The following ZNF536 variants were observed in gnomAD, a reference collection of about 807,000 sequenced individuals.
ZNF536 encodes zinc finger protein 536.
A neutral mutation model predicts 84.5 loss-of-function variants in ZNF536; 13 were observed. The observed-to-expected ratio is 0.15, with a 90% confidence interval of 0.10 to 0.24. The LOEUF is 0.24. Ranked by LOEUF, ZNF536 falls within the 10% of genes least tolerant of loss-of-function variation. ZNF536 has a pLI of 1.00. For missense variants in ZNF536, 1,536 were observed against 1,747.5 expected, an observed-to-expected ratio of 0.88 and a Z score of 2.16; for synonymous variants, 811 against 742.5, an observed-to-expected ratio of 1.09 and a Z score of -1.50.
chr19:30,447,417 C>T (rs984657827), intron 2 of ZNF536, among the ~76,000 whole-genome samples: 1 of 152,210 alleles, frequency 6.6e-6, no homozygotes, highest in Non-Finnish European at 1.5e-5. Flanking sequence ...ATCTGGTCTG[C>T]ACATTCCAGA....
Position 30,523,376 on chromosome 19 carries a change from G to T in ZNF536, c.2171-11471G>T, listed in dbSNP as rs150394626. Reference sequence around the variant, plus strand: ...ACAATCCTTTGAGACATGAATTCTTGTGACTATTCCCGTTTTGCAGATAAG... The same window carrying T: ...ACAATCCTTTGAGACATGAATTCTTTTGACTATTCCCGTTTTGCAGATAAG... On this transcript the variant is annotated intron_variant, in intron 2 of 4. Transcript: ENST00000355537. Among the ~76,000 whole-genome samples, 11 of 152,292 alleles carry T rather than the reference G, an allele frequency of 7.2e-5. No homozygotes were observed. The East Asian group carries it at 1.9e-3, about 27-fold the overall frequency.
At chr19:30,568,027 T>C (rs2046414281) in intron 1 of ZNF536, among the ~76,000 whole-genome samples, 1 of 152,228 alleles carries the variant, frequency 6.6e-6, no homozygotes, top group South Asian at 2.1e-4. Flanking sequence ...AGGGCTATTA[T>C]GATAATTAAA....
At chr19:30,366,380 C>CTATCTATA (rs2048431394) in intron 3 of ZNF536, among the ~76,000 whole-genome samples, 1 of 151,796 alleles carries the variant, frequency 6.6e-6, no homozygotes. Flanking sequence ...ATCTATCTAT[C>CTATCTATA]TATCTATCTA....
intron 1 of ZNF536, among the ~76,000 whole-genome samples, chr19:30,565,181 T>A (rs2046307702): frequency 6.6e-6 from 1 of 151,748 alleles, no homozygotes; most frequent in South Asian, 2.1e-4. Context: ...TTTTTTTTTT[T>A]TTAACTTATC....
intron 1 of ZNF536, among the ~76,000 whole-genome samples, chr19:30,440,904 TAGATAGATA>T (rs1175710582): frequency 6.6e-6 from 1 of 150,658 alleles, no homozygotes; most frequent in Admixed American, 6.6e-5. Flanking sequence ...GATAGATAGA[TAGATAGATA>T]GATAGATAGA....
intron 2 of ZNF536, among the ~76,000 whole-genome samples, chr19:30,473,687 A>G (rs935498405): frequency 2.6e-5 from 4 of 152,162 alleles, no homozygotes; most frequent in Non-Finnish European, 5.9e-5. Context: ...GTTATTACTC[A>G]CCTACTAAAT....
At chr19:30,648,878 C>A (rs1275269726) in intron 1 of ZNF536, among the ~76,000 whole-genome samples, 3 of 152,182 alleles carry the variant, frequency 2.0e-5, no homozygotes, top group African/African-American at 7.2e-5. Flanking sequence ...TGGTGCAGAC[C>A]TAGTTCGAAA....
chr19:30,458,447 G>GTTTTTTTTTTTTTTTTTT lies in ZNF536; in HGVS notation c.2170+12721_2170+12738dup, dbSNP rs3084731. Among the ~76,000 whole-genome samples, 8 of 83,490 alleles carry GTTTTTTTTTTTTTTTTTT rather than the reference G, an allele frequency of 9.6e-5. 1 individual carries two copies. The highest frequency in any genetic ancestry group is 4.5e-4 in the African/African-American group (8 of 17,924). 54.8% of individuals were successfully genotyped at this position (83,490 alleles called of 152,430 possible). On this transcript the variant is annotated intron_variant, in intron 2 of 4. Transcript: ENST00000355537. The stretch of plus-strand genomic sequence containing the variant: ...CCAAGTATTTCCTCAATTTCCTGCT[G>GTTTTTTTTTTTTTTTTTT]TTTTTTTTTTTTTTTTTTTTTTTGA...
intron 2 of ZNF536, among the ~76,000 whole-genome samples, chr19:30,310,708 C>T (rs2046472191): frequency 6.6e-6 from 1 of 152,186 alleles, no homozygotes; most frequent in Non-Finnish European, 1.5e-5. Flanking sequence ...GTAACCGCTC[C>T]TCGGAGCCAG....
chr19:30,433,953 ATGCCTCATATTCTCTCCCACAACCCCCTG>A (rs147927645), intron 1 of ZNF536, among the ~76,000 whole-genome samples: 14,868 of 152,174 alleles, frequency 0.098, 949 homozygotes, highest in African/African-American at 0.17. Flanking sequence ...CAGGTAGAAA[ATGCCTCATATTCTCTCCCACAACCCCCTG>A]TGCCCTCTCA....
chr19:30,667,779 A>G (rs2050391503), intron 1 of ZNF536, among the ~76,000 whole-genome samples: 1 of 152,058 alleles, frequency 6.6e-6, no homozygotes, highest in South Asian at 2.1e-4. Context: ...TTACTACAGT[A>G]CTAGATAACA....
intron 1 of ZNF536, among the ~76,000 whole-genome samples, chr19:30,237,354 C>T (rs1259808003): frequency 6.6e-6 from 1 of 152,082 alleles, no homozygotes; most frequent in Admixed American, 6.5e-5. Context: ...GTTGGCCTCC[C>T]GTGGAGGCCA....
chr19:30,476,086 G>A (rs1339131609), intron 2 of ZNF536, among the ~76,000 whole-genome samples: 1 of 152,204 alleles, frequency 6.6e-6, no homozygotes, highest in East Asian at 1.9e-4. Context: ...AAATGCGGCT[G>A]TTGGTTTTCC....
intron 1 of ZNF536, among the ~76,000 whole-genome samples, chr19:30,624,880 T>G (rs1364239630): frequency 6.6e-6 from 1 of 152,210 alleles, no homozygotes; most frequent in African/African-American, 2.4e-5. Flanking sequence ...TCATGAGATC[T>G]GAGGGTTTTA....
intron 1 of ZNF536, among the ~76,000 whole-genome samples, chr19:30,564,239 G>T (rs1365597757): frequency 6.6e-6 from 1 of 152,160 alleles, no homozygotes; most frequent in Non-Finnish European, 1.5e-5. Flanking sequence ...GGAGGCTGAG[G>T]CAGGAGGATC....
chr19:30,596,999 G>A (rs1293417079), intron 1 of ZNF536, among the ~76,000 whole-genome samples: 1 of 152,202 alleles, frequency 6.6e-6, no homozygotes, highest in Non-Finnish European at 1.5e-5. Context: ...CGAATTCCCA[G>A]GTTCTGAGGC....
At chr19:30,578,783 T>C (rs1306126313) in intron 1 of ZNF536, among the ~76,000 whole-genome samples, 8 of 152,208 alleles carry the variant, frequency 5.3e-5, no homozygotes, top group Non-Finnish European at 1.2e-4. Context: ...CCAGCTCCAC[T>C]TACCAGGCCA....
intron 2 of ZNF536, among the ~76,000 whole-genome samples, chr19:30,309,473 C>G (rs924236312): frequency 2.6e-5 from 4 of 152,190 alleles, no homozygotes; most frequent in African/African-American, 9.7e-5. Context: ...CACACTTTTT[C>G]ACTGGTATTT....
At chr19:30,649,453 G>A (rs2049612168) in intron 1 of ZNF536, among the ~76,000 whole-genome samples, 1 of 151,556 alleles carries the variant, frequency 6.6e-6, no homozygotes, top group Non-Finnish European at 1.5e-5. Context: ...GAAGAAAAAA[G>A]CATTTAGATG....
Sources: allele counts gnomAD v4.1 joint callset (sites outside exome capture counted in the v4.1 genomes callset), GRCh38; gene constraint gnomAD v4.1.1; transcripts MANE v1.5; gene names NCBI Gene and HGNC (gene_info 2026-07-23, HGNC 2026-07-21).